MRNIP: variants seen among roughly 807,000 people sequenced by gnomAD.
MRNIP encodes MRN complex interacting protein, also known as MRN complex-interacting protein.
Under a neutral mutation model 29.8 loss-of-function variants are expected in MRNIP, and 30 were observed. The observed-to-expected ratio is 1.01, with a 90% CI of 0.75 to 1.36. The LOEUF (loss-of-function observed/expected upper bound fraction) is 1.36. Ranked by LOEUF, MRNIP falls within the 40% of genes most tolerant of loss-of-function variation. MRNIP has a pLI of 0.00. For synonymous variants in MRNIP, 201 were observed against 164.1 expected (o/e 1.23, Z -1.72); for missense variants, 459 against 423.5 (o/e 1.08, Z -0.74).
intron 4 of MRNIP, among the ~76,000 whole-genome samples, chr5:179,843,415 A>G (rs1449422733): frequency 9.9e-5 from 15 of 152,226 alleles, no homozygotes; most frequent in Non-Finnish European, 4.4e-5. Flanking sequence ...AGGCACAGGT[A>G]CCAGAAGAGC....
At chr5:179,844,074 A>C in intron 4 of MRNIP, 78 bp downstream of exon 4, 1 of 1,194,004 alleles carries the variant, frequency 8.4e-7, no homozygotes, top group Non-Finnish European at 1.2e-6. Context: ...ATTTGCTATA[A>C]TGACTACTGG....
At chr5:179,847,568 G>T (rs1479623361) in intron 3 of MRNIP, 1 of 162,052 alleles carries the variant, frequency 6.2e-6, no homozygotes, top group Admixed American at 5.8e-5. Flanking sequence ...CTGCCATATT[G>T]TAAGACGTGG....
At chr5:179,840,611 G>A in intron 6 of MRNIP, 1 of 569,540 alleles carries the variant, frequency 1.8e-6, no homozygotes, top group South Asian at 2.2e-5. Context: ...TTGACCTGCT[G>A]GCCAACCTCA....
intron 3 of MRNIP, among the ~76,000 whole-genome samples, chr5:179,844,565 G>A (rs1458401301): frequency 1.3e-5 from 2 of 152,080 alleles, no homozygotes; most frequent in Non-Finnish European, 2.9e-5. Flanking sequence ...TGGGACCACA[G>A]GCACGCACCA....
chr5:179,855,864 A>C (rs1759553716), intron 1 of MRNIP, among the ~76,000 whole-genome samples: 1 of 151,868 alleles, frequency 6.6e-6, no homozygotes. Flanking sequence ...ACACCAATAA[A>C]ACTGTGGATT....
intron 2 of MRNIP, chr5:179,851,091 G>A: frequency 2.5e-6 from 1 of 394,738 alleles, no homozygotes; most frequent in South Asian, 1.8e-5. Context: ...CCACAATTTT[G>A]GTGTGTTTGT....
intron 3 of MRNIP, chr5:179,846,210 AT>A (rs1365718958): frequency 6.6e-6 from 1 of 151,338 alleles, no homozygotes. Flanking sequence ...CTGGTGGTGT[AT>A]TTCCTTGAAT....
At chr5:179,840,495 G>C in intron 6 of MRNIP, 1 of 389,886 alleles carries the variant, frequency 2.6e-6, no homozygotes, top group Non-Finnish European at 4.6e-6. Flanking sequence ...CGAGTGTGGA[G>C]GGAAGCATCT....
intron 2 of MRNIP, among the ~76,000 whole-genome samples, chr5:179,849,261 A>T (rs1759255650): frequency 7.3e-6 from 1 of 137,246 alleles, no homozygotes; most frequent in Non-Finnish European, 1.6e-5. Context: ...ATGGAATTTG[A>T]GAGTACGGGT....
intron 5 of MRNIP, chr5:179,841,424 C>T (rs896720019): frequency 5.6e-6 from 1 of 177,382 alleles, no homozygotes; most frequent in Non-Finnish European, 1.2e-5. Context: ...CCACTGTACC[C>T]GGATGAAGGT....
intron 1 of MRNIP, among the ~76,000 whole-genome samples, chr5:179,857,871 G>C (rs1055815616): frequency 5.9e-5 from 9 of 152,036 alleles, no homozygotes; most frequent in Non-Finnish European, 8.8e-5. Context: ...AATTAGCTGG[G>C]CATGGTGGCG....
At chr5:179,841,531 GA>G (rs1267937417) in intron 5 of MRNIP, 2 of 209,752 alleles carry the variant, frequency 9.5e-6, no homozygotes, top group Non-Finnish European at 1.9e-5. Context: ...AAATCTCACT[GA>G]AATGCCTGAA....
intron 1 of MRNIP, among the ~76,000 whole-genome samples, chr5:179,858,086 G>A (rs1225397785): frequency 6.6e-6 from 1 of 152,010 alleles, no homozygotes; most frequent in African/African-American, 2.4e-5. Context: ...ATAATTAGGA[G>A]GGAGGGACTA....
At chr5:179,841,017 G>C (rs1325845844) in intron 5 of MRNIP, 58 bp from the exon 6 acceptor site, 2 of 1,273,840 alleles carry the variant, frequency 1.6e-6, no homozygotes, top group East Asian at 2.5e-5. Flanking sequence ...CCCCGAGCCT[G>C]ACTCCACGAT....
At chr5:179,838,747 G>A (rs1335389880) in intron 6 of MRNIP, 2 of 152,260 alleles carry the variant, frequency 1.3e-5, no homozygotes, top group African/African-American at 4.8e-5. Flanking sequence ...GGGAGGCTGA[G>A]GCAGGCAGAT....
intron 2 of MRNIP, chr5:179,853,124 C>A: frequency 2.0e-6 from 2 of 1,022,836 alleles, no homozygotes; most frequent in Non-Finnish European, 2.8e-6. Context: ...TTACTTTCCA[C>A]TGTTCCCCTT....
rs566445797 is a variant in MRNIP, at chr5:179,838,229, C to T, written c.538-344G>A. The T allele has an allele frequency of 1.6e-4, 53 of 324,804 alleles. No homozygotes were observed. The East Asian group carries it at 2.8e-3, about 17-fold the overall frequency. 20.1% of individuals were successfully genotyped at this position (324,804 alleles called of 1,614,324 possible). ...GCCTCGAGACATCGGGAAAGGGGTG[C>T]GCTGGCTCCATTCTGCTACCTCCCA... is the stretch of plus-strand genomic sequence containing the variant. On this transcript the variant is annotated intron_variant, in intron 6 of 6. Transcript: ENST00000292586.
intron 1 of MRNIP, among the ~76,000 whole-genome samples, chr5:179,855,903 AGTT>A (rs1336333089): frequency 6.3e-5 from 9 of 142,746 alleles, no homozygotes; most frequent in Non-Finnish European, 1.0e-4. Flanking sequence ...AAGTAAGAAA[AGTT>A]GTTTTTTTTT....
chr5:179,840,515 C>G, intron 6 of MRNIP: 2 of 422,104 alleles, frequency 4.7e-6, no homozygotes, highest in East Asian at 8.2e-5. Flanking sequence ...TCCCAGGATT[C>G]AGGGCGGCCC....
Sources: allele counts gnomAD v4.1 joint callset (sites outside exome capture counted in the v4.1 genomes callset), GRCh38; gene constraint gnomAD v4.1.1; transcripts MANE v1.5; gene names NCBI Gene and HGNC (gene_info 2026-07-23, HGNC 2026-07-21).